The following IWS1 variants were observed in gnomAD, a reference collection of about 807,000 sequenced individuals.
IWS1 encodes interacts with SUPT6H, CTD assembly factor 1, also known as protein IWS1 homolog.
IWS1 carries 27 observed loss-of-function variants against 86.7 expected under a neutral mutation model. That is an observed-to-expected ratio of 0.31 (90% CI 0.23 to 0.43). The LOEUF (loss-of-function observed/expected upper bound fraction) is 0.43. Ranked by LOEUF, IWS1 falls within the 20% of genes least tolerant of loss-of-function variation. The pLI is 1.00. For missense variants in IWS1, 827 were observed against 1,000.8 expected (o/e 0.83, Z 2.34); for synonymous variants, 313 against 335.1 (o/e 0.93, Z 0.72).
intron 10 of IWS1, among the ~76,000 whole-genome samples, chr2:127,490,159 C>T (rs1380386509): frequency 6.6e-6 from 1 of 152,074 alleles, no homozygotes; most frequent in African/African-American, 2.4e-5. Flanking sequence ...TAAAAGATCA[C>T]CACAGAGATT....
At chr2:127,482,344 T>C (rs940593875) in intron 13 of IWS1, 2 of 152,206 alleles carry the variant, frequency 1.3e-5, no homozygotes, top group East Asian at 1.9e-4. Flanking sequence ...AAGAGCCATG[T>C]TGACCTGTCT....
rs374715478 is a variant in IWS1, at chr2:127,489,471, T to A, written c.2160-236A>T. ...TTTGTAACTAATGACCCTGTCCTCC[T>A]GGATGCAACTGTATCCACTATTATC... is the stretch of plus-strand genomic sequence containing the variant. On this transcript the variant is annotated intron_variant, in intron 11 of 13. Transcript: ENST00000295321. The surrounding 1 kb of genome is among the most constrained non-coding windows in gnomAD (Gnocchi z 4.8). 138 of 546,720 alleles carry A rather than the reference T, an allele frequency of 2.5e-4. No homozygotes were observed. The highest frequency in any genetic ancestry group is 2.4e-3 in the African/African-American group (128 of 52,540). 33.9% of individuals were successfully genotyped at this position (546,720 alleles called of 1,614,324 possible).
chr2:127,503,383 T>C lies in IWS1; in HGVS notation c.1409+4A>G. 1 of 1,607,804 alleles carries C rather than the reference T, an allele frequency of 6.2e-7. No homozygotes were observed. The highest frequency in any genetic ancestry group is 8.5e-7 in the Non-Finnish European group (1 of 1,176,554). On this transcript the variant is annotated splice_donor_region_variant and intron_variant, in intron 4 of 13. Coordinates refer to ENST00000295321, the MANE Select transcript of IWS1 (RefSeq NM_017969.3). ...CTGAAAACTCATGTTATACTGTCAC[T>C]TACTCTTCTTCATTGCCTGACTCAC...
chr2:127,522,645 A>G (rs1049992535), intron 2 of IWS1, among the ~76,000 whole-genome samples: 4 of 152,228 alleles, frequency 2.6e-5, no homozygotes, highest in African/African-American at 9.6e-5. Context: ...AAATTGGACA[A>G]TTTTCTGCAT....
chr2:127,522,881 C>A (rs895693504), intron 2 of IWS1, among the ~76,000 whole-genome samples: 1 of 152,200 alleles, frequency 6.6e-6, no homozygotes, highest in Admixed American at 6.5e-5. Flanking sequence ...AAACCCAATA[C>A]TATTACATAT....
At position 127,492,023 on chromosome 2, in the gene IWS1, A is replaced by G. The variant is rs1292015947; in HGVS notation, c.1995T>C (p.Tyr665=). The G allele has an allele frequency of 6.2e-7, 1 of 1,614,072 alleles. No individual in the cohort carries two copies. Among genetic ancestry groups the G allele is most frequent in the South Asian group, 1.1e-5 (1 of 91,076 alleles). The change falls in exon 10 of 14, where the codon TAT becomes TAC. Residue 665 remains tyrosine, a synonymous_variant. Transcript: ENST00000295321. The part of the protein sequence containing the change: ...SGIGRAVMYL[Y]KHPKESRSNK... The stretch of plus-strand genomic sequence containing the variant: ...TAGACCTTGACTCCTTGGGGTGTTT[A>G]TAGAGATACATCACTGCTCGTCCAA...
At chr2:127,517,005 A>G (rs867866025) in intron 2 of IWS1, among the ~76,000 whole-genome samples, 6 of 152,230 alleles carry the variant, frequency 3.9e-5, no homozygotes, top group African/African-American at 4.8e-5. Context: ...GAAATTAGTA[A>G]GATAATTCCA....
At chr2:127,517,440 C>A (rs772124323) in intron 2 of IWS1, among the ~76,000 whole-genome samples, 1 of 152,152 alleles carries the variant, frequency 6.6e-6, no homozygotes, top group Non-Finnish European at 1.5e-5. Flanking sequence ...AGCCATATAT[C>A]CTATGGTCAA....
intron 13 of IWS1, among the ~76,000 whole-genome samples, chr2:127,481,718 C>G (rs1257822004): frequency 6.6e-6 from 1 of 152,114 alleles, no homozygotes. Context: ...TGCTCTAATT[C>G]AGTAACTTCT....
At chr2:127,488,222 A>C (rs547090939) in intron 12 of IWS1, 1 of 152,302 alleles carries the variant, frequency 6.6e-6, no homozygotes, top group Admixed American at 6.5e-5. Context: ...TTCTTACTCT[A>C]TACTCTCTTG....
chr2:127,498,284 TAA>T lies in IWS1; in HGVS notation c.1468-49_1468-48del, dbSNP rs750044990. 3.2e-6 allele frequency: 5 copies of T among 1,560,166 alleles called. No homozygotes were observed. In the Admixed American group the frequency reaches 9.9e-5, roughly 31 times the overall value. The stretch of plus-strand genomic sequence containing the variant: ...CCTCCTTACAGATTTTCTTCTGTAT[TAA>T]GTGTTCTTAATATTTTGCATTTTTA... On this transcript the variant is annotated intron_variant, in intron 5 of 13. Coordinates refer to ENST00000295321, the MANE Select transcript of IWS1 (RefSeq NM_017969.3).
chr2:127,517,075 G>A (rs575468385), intron 2 of IWS1, among the ~76,000 whole-genome samples: 132 of 152,150 alleles, frequency 8.7e-4, no homozygotes, highest in African/African-American at 2.4e-3. Context: ...ATGTATACAC[G>A]GAAAACTATA....
At chr2:127,493,122 T>A (rs1031194247) in intron 9 of IWS1, 159 bp downstream of exon 9, 11 of 571,706 alleles carry the variant, frequency 1.9e-5, no homozygotes, top group Non-Finnish European at 2.8e-5. Context: ...GGTCTTCCCT[T>A]TCACGCTCAT....
intron 2 of IWS1, among the ~76,000 whole-genome samples, chr2:127,521,298 T>A (rs1303616430): frequency 6.6e-6 from 1 of 152,092 alleles, no homozygotes; most frequent in Admixed American, 6.6e-5. Flanking sequence ...ACATCTCAAG[T>A]AAAGTTAAAA....
intron 2 of IWS1, among the ~76,000 whole-genome samples, chr2:127,510,380 T>G (rs1553437699): frequency 6.6e-6 from 1 of 152,230 alleles, no homozygotes; most frequent in Non-Finnish European, 1.5e-5. Flanking sequence ...ATGTCCCTTG[T>G]GTCCCCTGTC....
intron 13 of IWS1, 86 bp downstream of exon 13, chr2:127,486,467 G>T: frequency 1.0e-6 from 1 of 959,350 alleles, no homozygotes; most frequent in Non-Finnish European, 1.7e-6. Context: ...AACTTCAAGA[G>T]CTACAAGGGT....
chr2:127,494,861 A>T lies in IWS1; in HGVS notation c.1799+11T>A. On this transcript the variant is annotated intron_variant, in intron 8 of 13. Transcript: ENST00000295321. ...AGGAAAAAGACATTTTAAAGAAAACAAAATACTTACTTCTTAAGGTGCATA... is the reference window on the plus strand; with the variant it reads ...AGGAAAAAGACATTTTAAAGAAAACTAAATACTTACTTCTTAAGGTGCATA... The T allele has an allele frequency of 2.0e-6, 3 of 1,511,340 alleles. No individual in the cohort carries two copies. The highest frequency in any genetic ancestry group is 2.7e-6 in the Non-Finnish European group (3 of 1,111,558). The allele number at this position is 1,511,340 out of a possible 1,614,324, so 93.6% of individuals were successfully genotyped here. A position where few individuals can be genotyped will look rare whatever the true frequency, so the allele number is the denominator to read the frequency against.
chr2:127,493,322 C>A lies in IWS1; in HGVS notation c.1888G>T (p.Ala630Ser). ...LSPLPDRSLP[A>S]LKIREELLKI... is the part of the protein sequence containing the mutation. ...AGCAGCTCCTCCCGGATCTTGAGTG[C>A]AGGCAAACTCCTATCTGGTAGAGGT... The change falls in exon 9 of 14, where the codon GCA becomes TCA. Residue 630 changes from alanine (A) to serine (S), a missense_variant. By Grantham distance (99) the Ala-to-Ser change is moderately conservative. Transcript: ENST00000295321. 6.2e-7 allele frequency: 1 copy of A among 1,613,574 alleles called. No individual in the cohort carries two copies. The highest frequency in any genetic ancestry group is 8.5e-7 in the Non-Finnish European group (1 of 1,179,828).
At chr2:127,526,121 C>A (rs1692396751) in intron 1 of IWS1, 54 bp downstream of exon 1, 2 of 1,543,504 alleles carry the variant, frequency 1.3e-6, no homozygotes, top group Middle Eastern at 1.7e-4. Flanking sequence ...CAGGCCAAGC[C>A]CCGCCGAGTA....
Sources: gnomAD v4.1 joint callset for allele counts (sites outside exome capture counted in the v4.1 genomes callset) on GRCh38, gnomAD v4.1.1 for gene constraint, Gnocchi (gnomAD v3.1) non-coding constraint, MANE v1.5 for transcripts, NCBI Gene and HGNC (gene_info 2026-07-23, HGNC 2026-07-21) for gene names.